The following ERC1 variants were observed in gnomAD, a reference collection of about 807,000 sequenced individuals.
ERC1 encodes ELKS/RAB6-interacting/CAST family member 1.
ERC1 carries 56 observed loss-of-function variants against 132.0 expected under a neutral mutation model. The observed-to-expected ratio is 0.42, with a 90% confidence interval of 0.34 to 0.53. ERC1 has a LOEUF of 0.53. ERC1 is among the 20% of genes least tolerant of loss of function. The pLI is 0.03. For missense variants in ERC1, 1,202 were observed against 1,349.9 expected, an observed-to-expected ratio of 0.89 and a Z score of 1.72; for synonymous variants, 478 against 476.1, an observed-to-expected ratio of 1.00 and a Z score of -0.05.
chr12:1,003,661 G>T (rs1962903319), intron 1 of ERC1, among the ~76,000 whole-genome samples: 1 of 152,096 alleles, frequency 6.6e-6, no homozygotes, highest in African/African-American at 2.4e-5. Context: ...TCATTGTTAG[G>T]CATGATGTTG....
chr12:1,248,291 G>A (rs756660251), intron 13 of ERC1, among the ~76,000 whole-genome samples: 8 of 152,080 alleles, frequency 5.3e-5, no homozygotes, highest in Non-Finnish European at 8.8e-5. Context: ...CATGTTCTCC[G>A]CCCTTCTGGA....
chr12:1,124,992 T>C (rs1239637122), intron 7 of ERC1, among the ~76,000 whole-genome samples: 1 of 151,908 alleles, frequency 6.6e-6, no homozygotes, highest in African/African-American at 2.4e-5. Flanking sequence ...ATATTTGATA[T>C]TTTCTTTCTT....
intron 1 of ERC1, among the ~76,000 whole-genome samples, chr12:1,022,562 T>C (rs1006857193): frequency 1.3e-5 from 2 of 152,168 alleles, no homozygotes; most frequent in Non-Finnish European, 2.9e-5. Context: ...CATCTTGAAT[T>C]GTAGTTCCCA....
In ERC1 at chr12:1,147,804, C is replaced by T. The variant is rs74501079; in HGVS notation, c.1737+6017C>T. ...GAAGGCATCTGGATGCACAAAGACT[C>T]GATTCACCACTGTGCCAGCAGCCTG... is the stretch of plus-strand genomic sequence containing the variant. On this transcript the variant is annotated intron_variant, in intron 8 of 18. Coordinates refer to ENST00000360905, the MANE Select transcript of ERC1 (RefSeq NM_178040.4). Among the ~76,000 whole-genome samples, 1,340 of 152,252 alleles carry T rather than the reference C, an allele frequency of 8.8e-3. 16 individuals are homozygous for T. The highest frequency in any genetic ancestry group is 0.03 in the African/African-American group (1,250 of 41,540).
chr12:1,403,130 G>T (rs976438220), intron 16 of ERC1, among the ~76,000 whole-genome samples: 6 of 152,118 alleles, frequency 3.9e-5, no homozygotes, highest in African/African-American at 1.4e-4. Flanking sequence ...TTTCCTCTGG[G>T]AGGGTATGTA....
chr12:1,313,876 C>T (rs2081499204), intron 15 of ERC1, among the ~76,000 whole-genome samples: 1 of 151,970 alleles, frequency 6.6e-6, no homozygotes, highest in South Asian at 2.1e-4. Context: ...CCCAGCTACT[C>T]GGGAGGCTGA....
At chr12:1,174,599 TC>T (rs1216648208) in intron 8 of ERC1, among the ~76,000 whole-genome samples, 1 of 152,212 alleles carries the variant, frequency 6.6e-6, no homozygotes, top group African/African-American at 2.4e-5. Context: ...ACATTTTAAT[TC>T]CTGAATTTCT....
intron 14 of ERC1, among the ~76,000 whole-genome samples, chr12:1,266,531 A>G (rs1830074202): frequency 6.7e-6 from 1 of 149,474 alleles, no homozygotes; most frequent in South Asian, 2.1e-4. Flanking sequence ...CAGCCTCCCA[A>G]GTAGCTGGGG....
At chr12:1,439,321 G>A (rs898096412) in intron 17 of ERC1, among the ~76,000 whole-genome samples, 6 of 152,176 alleles carry the variant, frequency 3.9e-5, no homozygotes, top group African/African-American at 1.2e-4. Context: ...TCTTCCTAAA[G>A]ACCATCAGTT....
intron 15 of ERC1, among the ~76,000 whole-genome samples, chr12:1,359,947 CT>C (rs35912764): frequency 0.53 from 79,540 of 149,786 alleles, 24,029 homozygotes; most frequent in African/African-American, 0.84. Flanking sequence ...TAGATGCAGG[CT>C]TTTTTTTTTA....
chr12:1,484,702 T>C (rs139651669), intron 18 of ERC1, among the ~76,000 whole-genome samples: 1 of 150,792 alleles, frequency 6.6e-6, no homozygotes, highest in Admixed American at 6.6e-5. Context: ...CTCAGCCTCC[T>C]GAGTAGCTGG....
In ERC1 at chr12:1,028,438, T is replaced by C. The variant is rs1230758649; in HGVS notation, c.535T>C (p.Leu179=). The C allele has an allele frequency of 2.5e-6, 4 of 1,613,948 alleles. No homozygotes were observed. The Admixed American group carries it at 5.0e-5, about 20-fold the overall frequency. ...GGATGTGGAAGTAAAGGAGAGCAAATTGAGTTCTTCAATGAATAGCATCAA... is the reference window on the plus strand; with the variant it reads ...GGATGTGGAAGTAAAGGAGAGCAAACTGAGTTCTTCAATGAATAGCATCAA... The part of the protein sequence containing the change: ...RKDVEVKESK[L]SSSMNSIKTF... Residue 179 remains leucine, a synonymous_variant, in exon 2 of 19, where the codon TTG becomes CTG. Coordinates refer to ENST00000360905, the MANE Select transcript of ERC1 (RefSeq NM_178040.4).
At chr12:1,444,777 A>T (rs773971100) in intron 18 of ERC1, 27 bp downstream of exon 18, 2 of 1,597,524 alleles carry the variant, frequency 1.3e-6, no homozygotes, top group Non-Finnish European at 1.7e-6. Context: ...AACTTTGAAA[A>T]GAGCCTGTGA....
At chr12:1,007,852 A>G (rs1290872208) in intron 1 of ERC1, among the ~76,000 whole-genome samples, 1 of 152,192 alleles carries the variant, frequency 6.6e-6, no homozygotes, top group Non-Finnish European at 1.5e-5. Flanking sequence ...GAGTATGCAC[A>G]GAGATTCAAG....
At chr12:1,408,548 T>G (rs952739230) in intron 17 of ERC1, among the ~76,000 whole-genome samples, 5 of 152,224 alleles carry the variant, frequency 3.3e-5, no homozygotes, top group Admixed American at 3.3e-4. Context: ...TTAACTGTCT[T>G]TACTAATTTT....
chr12:1,015,539 C>A (rs1965385334), intron 1 of ERC1, among the ~76,000 whole-genome samples: 2 of 152,158 alleles, frequency 1.3e-5, no homozygotes, highest in Middle Eastern at 3.4e-3. Flanking sequence ...CACATTATGT[C>A]CTTGAACCTG....
intron 11 of ERC1, among the ~76,000 whole-genome samples, chr12:1,185,655 A>G (rs556029562): frequency 6.6e-6 from 1 of 151,004 alleles, no homozygotes; most frequent in Admixed American, 6.6e-5. Flanking sequence ...TGTGAATGAC[A>G]TTTTTATCAC....
At chr12:1,407,792 A>T (rs1203878203) in intron 16 of ERC1, among the ~76,000 whole-genome samples, 1 of 152,268 alleles carries the variant, frequency 6.6e-6, no homozygotes, top group East Asian at 1.9e-4. Flanking sequence ...TATGACAGAG[A>T]TATAAAGAGA....
chr12:1,417,088 T>C (rs562413823), intron 17 of ERC1, among the ~76,000 whole-genome samples: 17 of 152,332 alleles, frequency 1.1e-4, no homozygotes, highest in Non-Finnish European at 4.4e-5. Flanking sequence ...TTCCTCTATA[T>C]GCTCAGAAAT....
Sources: allele counts gnomAD v4.1 joint callset (sites outside exome capture counted in the v4.1 genomes callset), GRCh38; gene constraint gnomAD v4.1.1; transcripts MANE v1.5; gene names NCBI Gene and HGNC (gene_info 2026-07-23, HGNC 2026-07-21).